The following ZC2HC1B variants were observed in gnomAD, a reference collection of about 807,000 sequenced individuals.
The protein encoded by ZC2HC1B is zinc finger C2HC domain-containing protein 1B.
Under a neutral mutation model 31.0 loss-of-function variants are expected in ZC2HC1B, and 36 were observed. That is an observed-to-expected ratio of 1.16 (90% CI 0.89 to 1.54). The LOEUF (loss-of-function observed/expected upper bound fraction) is 1.54. ZC2HC1B is among the 40% of genes most tolerant of loss of function. The pLI, the probability that ZC2HC1B is intolerant of heterozygous loss-of-function variation, is 0.00. For synonymous variants in ZC2HC1B, 73 were observed against 88.0 expected (o/e 0.83, Z 0.95); for missense variants, 260 against 268.6 (o/e 0.97, Z 0.22).
Position 143,922,092 on chromosome 6 carries a change from G to A in ZC2HC1B, c.599-15557G>A, listed in dbSNP as rs906271326. ...TGGAGAAAAGTACCAAATGCCTTTC[G>A]TTGATACAAACAAGCCCATGCATTA... On this transcript the variant is annotated intron_variant, in intron 6 of 7. Coordinates refer to ENST00000237275, the MANE Select transcript of ZC2HC1B (RefSeq NM_001013623.3). This position sits in a 1 kb window ranked among gnomAD's most constrained non-coding sequence, Gnocchi z 5.0. Among the ~76,000 whole-genome samples, 5 of 152,150 alleles carry A rather than the reference G, an allele frequency of 3.3e-5. No homozygotes were observed. Among genetic ancestry groups the A allele is most frequent in the African/African-American group, 4.8e-5 (2 of 41,430 alleles).
At chr6:143,877,315 T>A (rs1017167793) in intron 1 of ZC2HC1B, among the ~76,000 whole-genome samples, 1 of 130,136 alleles carries the variant, frequency 7.7e-6, no homozygotes, top group Non-Finnish European at 1.6e-5. Flanking sequence ...AGAGTTTTGC[T>A]CTTTTTGCCC....
Position 143,913,749 on chromosome 6 carries a change from G to C in ZC2HC1B, c.598+10597G>C, listed in dbSNP as rs902342042. 1.3e-5 allele frequency among the ~76,000 whole-genome samples: 2 copies of C among 152,152 alleles called. No individual in the cohort carries two copies. Among genetic ancestry groups the C allele is most frequent in the South Asian group, 4.1e-4 (2 of 4,830 alleles). ...TTCATGGGAGAAGCATGGTTTCCTG[G>C]GTCACATAGTCACTAATTGCTTCCC... On this transcript the variant is annotated intron_variant, in intron 6 of 7. Transcript: ENST00000237275. The surrounding 1 kb of genome is among the most constrained non-coding windows in gnomAD (Gnocchi z 5.7).
rs1195509248 is a variant in ZC2HC1B, at chr6:143,886,758, T to A, written c.286T>A (p.Cys96Ser). Residue 96 changes from cysteine to serine, a missense_variant, in exon 4 of 8, where the codon TGT (cysteine) becomes AGT (serine). Physicochemically the swap from Cys to Ser is moderately radical, Grantham distance 112. Coordinates refer to ENST00000237275, the MANE Select transcript of ZC2HC1B (RefSeq NM_001013623.3). The surrounding 1 kb of genome is among the most constrained non-coding windows in gnomAD (Gnocchi z 4.2). ...FINAIRSAKQ[C>S]MLAIKEGRPL... is the part of the protein sequence containing the mutation. ...TAATGCAATCCGATCAGCAAAGCAG[T>A]GTATGCTAGCCATTAAAGAAGGCCG... 2 of 1,549,822 alleles carry A rather than the reference T, an allele frequency of 1.3e-6. No homozygotes were observed. The highest frequency in any genetic ancestry group is 3.9e-5 in the Admixed American group (2 of 50,786).
rs187571502 is a variant in ZC2HC1B, at chr6:143,934,195, C to A, written c.599-3454C>A. Among the ~76,000 whole-genome samples, 18 of 152,320 alleles carry A rather than the reference C, an allele frequency of 1.2e-4. No homozygotes were observed. In the East Asian group the frequency reaches 2.5e-3, roughly 21 times the overall value. On this transcript the variant is annotated intron_variant, in intron 6 of 7. Transcript: ENST00000237275. This position sits in a 1 kb window ranked among gnomAD's most constrained non-coding sequence, Gnocchi z 4.6. ...TCCCCTCTCAGACTTTGGGAACTTA[C>A]GAATTTTCACCTGTCTTGCAGAATT...
At position 143,868,398 on chromosome 6, in the gene ZC2HC1B, A is replaced by C. The variant is rs1777294737; in HGVS notation, c.28+3831A>C. Among the ~76,000 whole-genome samples the C allele has an allele frequency of 6.6e-6, 1 of 152,222 alleles. No homozygotes were observed. On this transcript the variant is annotated intron_variant, in intron 1 of 7. Transcript: ENST00000237275. The surrounding 1 kb of genome is among the most constrained non-coding windows in gnomAD (Gnocchi z 4.2). ...TGAAGAACTTGGAGTTCAATGTTTG[A>C]GGGCAGGAAGCATCCAGCACAGGAG...
chr6:143,873,128 C>T (rs916751453), intron 1 of ZC2HC1B, among the ~76,000 whole-genome samples: 2 of 152,192 alleles, frequency 1.3e-5, no homozygotes, highest in Non-Finnish European at 2.9e-5. Context: ...TGGGTAAATA[C>T]AGCCATTTCA....
rs565273039 is a variant in ZC2HC1B, at chr6:143,868,612, G to A, written c.28+4045G>A. ...GTAACACCCTCTCAGACACACCCAG[G>A]ATCAATAACTTTGCATCCTTCTTTC... On this transcript the variant is annotated intron_variant, in intron 1 of 7. Coordinates refer to ENST00000237275, the MANE Select transcript of ZC2HC1B (RefSeq NM_001013623.3). This position sits in a 1 kb window ranked among gnomAD's most constrained non-coding sequence, Gnocchi z 4.2. Among the ~76,000 whole-genome samples the A allele has an allele frequency of 2.0e-5, 3 of 152,206 alleles. No homozygotes were observed. The South Asian group carries it at 6.2e-4, about 32-fold the overall frequency.
At chr6:143,900,199 G>A (rs1408905888) in intron 5 of ZC2HC1B, among the ~76,000 whole-genome samples, 1 of 151,976 alleles carries the variant, frequency 6.6e-6, no homozygotes, top group African/African-American at 2.4e-5. Flanking sequence ...AGACCAGCCT[G>A]ACCAACATGG....
intron 1 of ZC2HC1B, among the ~76,000 whole-genome samples, chr6:143,879,976 T>C (rs1777449896): frequency 6.6e-6 from 1 of 151,806 alleles, no homozygotes; most frequent in African/African-American, 2.4e-5. Flanking sequence ...AAGTGCATGC[T>C]ACCATGCCTG....
intron 6 of ZC2HC1B, among the ~76,000 whole-genome samples, chr6:143,926,818 A>G (rs556170316): frequency 7.4e-6 from 1 of 135,046 alleles, no homozygotes; most frequent in South Asian, 2.4e-4. Flanking sequence ...TATATTTAGA[A>G]TTGTATCTTC....
intron 6 of ZC2HC1B, among the ~76,000 whole-genome samples, chr6:143,914,947 A>G (rs1777900269): frequency 6.6e-6 from 1 of 152,248 alleles, no homozygotes; most frequent in South Asian, 2.1e-4. Context: ...TCATTCTGCC[A>G]ATCTCTGTCT....
At chr6:143,880,539 C>A (rs972158658) in intron 1 of ZC2HC1B, among the ~76,000 whole-genome samples, 1 of 152,086 alleles carries the variant, frequency 6.6e-6, no homozygotes, top group African/African-American at 2.4e-5. Context: ...CCATGTTATT[C>A]TCCCACAAAT....
intron 6 of ZC2HC1B, among the ~76,000 whole-genome samples, chr6:143,935,674 T>TTTTTTTTG (rs869162265): frequency 2.5e-5 from 3 of 120,622 alleles, no homozygotes; most frequent in Admixed American, 8.7e-5. Flanking sequence ...TTTTTTTTTT[T>TTTTTTTTG]GAGACAGGAT....
In ZC2HC1B at chr6:143,915,943, A is replaced by G. The variant is rs1331150443; in HGVS notation, c.598+12791A>G. On this transcript the variant is annotated intron_variant, in intron 6 of 7. Coordinates refer to ENST00000237275, the MANE Select transcript of ZC2HC1B (RefSeq NM_001013623.3). The surrounding 1 kb of genome is among the most constrained non-coding windows in gnomAD (Gnocchi z 5.2). ...AATCCCATTTTCTGGGGAGAAATTC[A>G]AACTGGCTGCAGAAATTTGTATAGG... 2.0e-5 allele frequency among the ~76,000 whole-genome samples: 3 copies of G among 152,242 alleles called. No homozygotes were observed. The highest frequency in any genetic ancestry group is 2.9e-5 in the Non-Finnish European group (2 of 68,044).
intron 1 of ZC2HC1B, among the ~76,000 whole-genome samples, chr6:143,880,650 CAT>C (rs1277492589): frequency 6.6e-6 from 1 of 151,888 alleles, no homozygotes; most frequent in African/African-American, 2.4e-5. Context: ...ATATGGCCTT[CAT>C]CGAAAGTATT....
chr6:143,872,708 A>AT lies in ZC2HC1B; in HGVS notation c.28+8142dup, dbSNP rs1777356853. 6.6e-6 allele frequency among the ~76,000 whole-genome samples: 1 copy of AT among 152,186 alleles called. No homozygotes were observed. Among genetic ancestry groups the AT allele is most frequent in the South Asian group, 2.1e-4 (1 of 4,834 alleles). ...ACTTACATGGTGGCAGCAAGAGAAA[A>AT]TGAGGAAAAAGCAAAAGTGGAAATC... On this transcript the variant is annotated intron_variant, in intron 1 of 7. Transcript: ENST00000237275. The surrounding 1 kb of genome is among the most constrained non-coding windows in gnomAD (Gnocchi z 5.5).
In ZC2HC1B at chr6:143,868,629, C is replaced by T. The variant is rs191275878; in HGVS notation, c.28+4062C>T. ...ACACCCAGGATCAATAACTTTGCAT[C>T]CTTCTTTCCAATCAGGTTGACACTC... is the stretch of plus-strand genomic sequence containing the variant. On this transcript the variant is annotated intron_variant, in intron 1 of 7. Coordinates refer to ENST00000237275, the MANE Select transcript of ZC2HC1B (RefSeq NM_001013623.3). This position sits in a 1 kb window ranked among gnomAD's most constrained non-coding sequence, Gnocchi z 4.2. 3.3e-5 allele frequency among the ~76,000 whole-genome samples: 5 copies of T among 152,308 alleles called. No homozygotes were observed. In the East Asian group the frequency reaches 7.7e-4, roughly 23 times the overall value.
At position 143,883,027 on chromosome 6, in the gene ZC2HC1B, C is replaced by T. The variant is rs1030463218; in HGVS notation, c.29-1277C>T. Among the ~76,000 whole-genome samples the T allele has an allele frequency of 2.0e-5, 3 of 152,076 alleles. No homozygotes were observed. Among genetic ancestry groups the T allele is most frequent in the African/African-American group, 7.2e-5 (3 of 41,416 alleles). On this transcript the variant is annotated intron_variant, in intron 1 of 7. Coordinates refer to ENST00000237275, the MANE Select transcript of ZC2HC1B (RefSeq NM_001013623.3). This position sits in a 1 kb window ranked among gnomAD's most constrained non-coding sequence, Gnocchi z 4.1. ...CCTATTTCCTTTCCATTTCAGGCCT[C>T]CACCTTCAGCTTTTTTGTGTGTAAG...
intron 4 of ZC2HC1B, among the ~76,000 whole-genome samples, chr6:143,893,165 A>C (rs1488581403): frequency 6.6e-6 from 1 of 152,202 alleles, no homozygotes; most frequent in Non-Finnish European, 1.5e-5. Flanking sequence ...GAACAGACAC[A>C]TCACAAAATA....
Sources: allele counts gnomAD v4.1 joint callset (sites outside exome capture counted in the v4.1 genomes callset), GRCh38; gene constraint gnomAD v4.1.1; non-coding constraint Gnocchi (gnomAD v3.1); transcripts MANE v1.5; gene names NCBI Gene and HGNC (gene_info 2026-07-23, HGNC 2026-07-21).